PDXDC1: variants seen among roughly 807,000 people sequenced by gnomAD.
The protein encoded by PDXDC1 is pyridoxal-dependent decarboxylase domain-containing protein 1.
A neutral mutation model predicts 100.1 loss-of-function variants in PDXDC1; 42 were observed. The observed-to-expected ratio is 0.42, with a 90% CI of 0.33 to 0.54. The LOEUF is 0.54. Ranked by LOEUF, PDXDC1 falls within the 20% of genes least tolerant of loss-of-function variation. PDXDC1 has a pLI of 0.10. For synonymous variants in PDXDC1, 260 were observed against 371.7 expected, an observed-to-expected ratio of 0.70 and a Z score of 3.46; for missense variants, 636 against 979.2, an observed-to-expected ratio of 0.65 and a Z score of 4.68.
intron 16 of PDXDC1, among the ~76,000 whole-genome samples, chr16:15,101,050 C>T (rs2046527537): frequency 6.6e-6 from 1 of 152,096 alleles, no homozygotes; most frequent in Non-Finnish European, 1.5e-5. Flanking sequence ...GGGCAATTGC[C>T]TTATGTTTCC....
rs1279019612 is a variant in PDXDC1, at chr16:15,124,196, T to C, written c.1400-14683T>C. ...TGATGGGTGGGGAGCTCCAAGCAGG[T>C]GGGCAGGACCCAGGGGCCTGGTGAC... On this transcript the variant is annotated intron_variant, in intron 16 of 16. Coordinates refer to the PDXDC1 transcript ENST00000535621. Among the ~76,000 whole-genome samples the C allele has an allele frequency of 9.3e-5, 14 of 150,986 alleles. No individual in the cohort carries two copies. In the South Asian group the frequency reaches 1.3e-3, roughly 14 times the overall value.
the PDXDC1 span, among the ~76,000 whole-genome samples, chr16:15,144,371 G>A: frequency 1.3e-5 from 2 of 152,218 alleles, no homozygotes; most frequent in Non-Finnish European, 2.9e-5. Context: ...GCTGCAGTTT[G>A]GGACGGTGCT....
intron 6 of PDXDC1, among the ~76,000 whole-genome samples, chr16:15,007,345 G>T (rs1349496213): frequency 1.9e-4 from 29 of 152,126 alleles, no homozygotes; most frequent in African/African-American, 7.0e-4. Flanking sequence ...TAATTTTTTT[G>T]TATTTTTTTT....
chr16:15,061,825 G>T, intron 16 of PDXDC1: 1 of 1,614,184 alleles, frequency 6.2e-7, no homozygotes, highest in African/African-American at 1.3e-5. Flanking sequence ...TGTCAAAGGA[G>T]CTTGGTGTGA....
chr16:15,000,642 G>C (rs535628952), intron 3 of PDXDC1, among the ~76,000 whole-genome samples: 4 of 152,292 alleles, frequency 2.6e-5, no homozygotes, highest in Admixed American at 2.0e-4. Flanking sequence ...AATTCTTTTC[G>C]TAACTTTCCA....
At chr16:15,022,984 TC>T (rs2042322195) in intron 13 of PDXDC1, among the ~76,000 whole-genome samples, 1 of 152,292 alleles carries the variant, frequency 6.6e-6, no homozygotes, top group Admixed American at 6.5e-5. Flanking sequence ...AATGTTTAAT[TC>T]CTATGGTGCT....
At chr16:15,112,578 G>A (rs1449157880) in intron 16 of PDXDC1, among the ~76,000 whole-genome samples, 2 of 150,934 alleles carry the variant, frequency 1.3e-5, no homozygotes, top group African/African-American at 4.9e-5. Flanking sequence ...CTGCACATAG[G>A]ATAAAAAAAA....
At chr16:15,128,267 G>A (rs1159620667) in intron 16 of PDXDC1, 40 of 1,610,972 alleles carry the variant, frequency 2.5e-5, no homozygotes, top group East Asian at 4.5e-5. Context: ...CCCAGGCTGT[G>A]CGGGGTGGCG....
intron 16 of PDXDC1, among the ~76,000 whole-genome samples, chr16:15,098,292 C>T (rs2046428351): frequency 1.3e-5 from 2 of 151,462 alleles, no homozygotes; most frequent in African/African-American, 4.9e-5. Context: ...CCTCTGCCTC[C>T]CGGGTTCAAG....
intron 16 of PDXDC1, chr16:15,055,962 G>C (rs1378961436): frequency 1.6e-6 from 2 of 1,226,982 alleles, no homozygotes; most frequent in Non-Finnish European, 2.0e-6. Flanking sequence ...CCCTCGACGA[G>C]CAGCGGCATC....
rs1398202183 is a variant in PDXDC1, at chr16:15,036,295, G to T, written c.*20G>T. The stretch of plus-strand genomic sequence containing the variant: ...AGATGAGACTCATTGTGTGGTTTGA[G>T]ACTGTACTGAGTATTGTTTCAGGGA... On this transcript the variant is annotated 3_prime_UTR_variant, in exon 23 of 23. Coordinates refer to ENST00000396410, the MANE Select transcript of PDXDC1 (RefSeq NM_015027.4). 6.2e-7 allele frequency: 1 copy of T among 1,601,854 alleles called. No homozygotes were observed. Among genetic ancestry groups the T allele is most frequent in the Non-Finnish European group, 8.5e-7 (1 of 1,170,442 alleles).
intron 16 of PDXDC1, 79 bp from the exon 17 acceptor site, chr16:15,031,656 C>CAGT: frequency 7.7e-7 from 1 of 1,295,964 alleles, no homozygotes; most frequent in Non-Finnish European, 1.1e-6. Context: ...TTGACCTTCC[C>CAGT]AGTAGTGGAA....
At chr16:15,102,497 TCC>T (rs1410454196) in intron 16 of PDXDC1, among the ~76,000 whole-genome samples, 255 of 146,104 alleles carry the variant, frequency 1.7e-3, no homozygotes, top group Non-Finnish European at 2.1e-3. Flanking sequence ...CTTGGATCAC[TCC>T]AGGAAGAGAG....
chr16:15,140,014 G>A (rs528135584), downstream of PDXDC1, among the ~76,000 whole-genome samples: 3 of 132,870 alleles, frequency 2.3e-5, no homozygotes, highest in South Asian at 2.6e-4. Context: ...GGAGAATCAC[G>A]TGAACCCGGG....
intron 12 of PDXDC1, among the ~76,000 whole-genome samples, chr16:15,020,520 C>G (rs535984532): frequency 2.6e-5 from 4 of 152,292 alleles, no homozygotes; most frequent in African/African-American, 9.6e-5. Flanking sequence ...GAAACCCTGT[C>G]TCTAATAAAA....
intron 8 of PDXDC1, among the ~76,000 whole-genome samples, chr16:15,014,250 T>G (rs2041608104): frequency 6.6e-6 from 1 of 152,066 alleles, no homozygotes; most frequent in Admixed American, 6.6e-5. Flanking sequence ...ACATAAATAT[T>G]CACTTTATTG....
At chr16:15,127,338 T>A (rs950718705) in intron 16 of PDXDC1, 1 of 685,920 alleles carries the variant, frequency 1.5e-6, no homozygotes. Context: ...CTCAAGTGTG[T>A]TGACCCTTCC....
intron 16 of PDXDC1, chr16:15,071,194 G>A (rs752987702): frequency 6.2e-7 from 1 of 1,611,204 alleles, no homozygotes; most frequent in East Asian, 2.2e-5. Flanking sequence ...ATGATGGCAG[G>A]ATTACTTGGG....
intron 16 of PDXDC1, chr16:15,055,703 A>G: frequency 5.3e-6 from 2 of 374,082 alleles, no homozygotes; most frequent in Non-Finnish European, 9.5e-6. Context: ...CCTCCGGGGC[A>G]GCCCGCTGAA....
Sources: gnomAD v4.1 joint callset for allele counts (sites outside exome capture counted in the v4.1 genomes callset) on GRCh38, gnomAD v4.1.1 for gene constraint, MANE v1.5 for transcripts, NCBI Gene and HGNC (gene_info 2026-07-23, HGNC 2026-07-21) for gene names.